ZNF385D: variants seen among roughly 807,000 people sequenced by gnomAD.
The protein encoded by ZNF385D is zinc finger protein 659.
A neutral mutation model predicts 35.8 loss-of-function variants in ZNF385D; 15 were observed. That is an observed-to-expected ratio of 0.42 (90% CI 0.28 to 0.64). The LOEUF is 0.64. Among genes scored for constraint, ZNF385D ranks in the 30% least tolerant of loss-of-function variants. The probability of loss-of-function intolerance (pLI) is 0.23; values close to 1 mark genes in which losing one functional copy is unlikely to be tolerated. For synonymous variants in ZNF385D, 212 were observed against 186.8 expected, an observed-to-expected ratio of 1.13 and a Z score of -1.10; for missense variants, 474 against 494.6, an observed-to-expected ratio of 0.96 and a Z score of 0.39.
intron 3 of ZNF385D, among the ~76,000 whole-genome samples, chr3:21,563,558 A>G (rs2063031484): frequency 6.6e-6 from 1 of 152,134 alleles, no homozygotes; most frequent in South Asian, 2.1e-4. Context: ...TATTTCCTAT[A>G]CTCAATTATC....
intron 3 of ZNF385D, among the ~76,000 whole-genome samples, chr3:21,890,902 T>C (rs2125881984): frequency 6.6e-6 from 1 of 152,320 alleles, no homozygotes; most frequent in African/African-American, 2.4e-5. Context: ...ATTTTTGTTT[T>C]TATAATTTTG....
intron 3 of ZNF385D, among the ~76,000 whole-genome samples, chr3:22,110,902 G>T (rs999455685): frequency 3.2e-4 from 49 of 152,040 alleles, no homozygotes; most frequent in Non-Finnish European, 5.6e-4. Context: ...TAATTTAGCT[G>T]AGAGTCTTGA....
intron 3 of ZNF385D, among the ~76,000 whole-genome samples, chr3:22,095,982 A>G (rs1469314478): frequency 6.6e-6 from 1 of 151,928 alleles, no homozygotes; most frequent in Non-Finnish European, 1.5e-5. Flanking sequence ...GTAAATGACT[A>G]AAGTCTTTGG....
chr3:22,329,069 T>A (rs1575130002), intron 2 of ZNF385D, among the ~76,000 whole-genome samples: 1 of 105,674 alleles, frequency 9.5e-6, no homozygotes. Flanking sequence ...AGAGCGAGAC[T>A]CCGTCTCAAA....
intron 3 of ZNF385D, among the ~76,000 whole-genome samples, chr3:22,057,283 C>G (rs1331098141): frequency 6.6e-6 from 1 of 152,146 alleles, no homozygotes; most frequent in Non-Finnish European, 1.5e-5. Flanking sequence ...ACCCATACCT[C>G]ATAGGTTATA....
chr3:22,301,592 G>C (rs1702904902), intron 2 of ZNF385D, among the ~76,000 whole-genome samples: 1 of 151,866 alleles, frequency 6.6e-6, no homozygotes, highest in Admixed American at 6.6e-5. Flanking sequence ...AATTATGTTA[G>C]GAGGTAAAAA....
At chr3:21,574,339 C>T (rs765473916) in intron 2 of ZNF385D, among the ~76,000 whole-genome samples, 2 of 152,052 alleles carry the variant, frequency 1.3e-5, no homozygotes, top group Non-Finnish European at 2.9e-5. Context: ...GAAAAAACTA[C>T]AAAATAAATG....
intron 3 of ZNF385D, among the ~76,000 whole-genome samples, chr3:21,967,175 A>G (rs1176573578): frequency 6.6e-6 from 1 of 152,144 alleles, no homozygotes; most frequent in Non-Finnish European, 1.5e-5. Context: ...CATTACTTTA[A>G]GCATTTCTTT....
At chr3:21,683,794 C>T (rs2066993177) in intron 1 of ZNF385D, among the ~76,000 whole-genome samples, 1 of 149,714 alleles carries the variant, frequency 6.7e-6, no homozygotes, top group South Asian at 2.2e-4. Context: ...AAGAGTAGCC[C>T]CAGGGTGACA....
intron 2 of ZNF385D, among the ~76,000 whole-genome samples, chr3:22,183,781 G>A (rs1414631611): frequency 6.6e-6 from 1 of 151,586 alleles, no homozygotes; most frequent in East Asian, 1.9e-4. Context: ...ATGGAACTTG[G>A]CAAAATGGAG....
chr3:21,499,830 A>G (rs1559351189), intron 4 of ZNF385D, among the ~76,000 whole-genome samples: 2 of 152,204 alleles, frequency 1.3e-5, no homozygotes, highest in East Asian at 3.9e-4. Context: ...TACCCCACAA[A>G]CTCAGTCATA....
At chr3:22,348,680 AAGGAAGGG>A (rs1695776063) in intron 2 of ZNF385D, among the ~76,000 whole-genome samples, 1 of 140,454 alleles carries the variant, frequency 7.1e-6, no homozygotes, top group South Asian at 2.7e-4. Context: ...GAAAGAAAGA[AAGGAAGGG>A]AGGGAGGGAG....
At chr3:21,891,921 T>G (rs1698888344) in intron 3 of ZNF385D, among the ~76,000 whole-genome samples, 2 of 152,172 alleles carry the variant, frequency 1.3e-5, no homozygotes, top group South Asian at 4.1e-4. Flanking sequence ...CTTAATAGCT[T>G]TTTCAAAGTG....
At chr3:21,593,060 G>A (rs1176426412) in intron 2 of ZNF385D, among the ~76,000 whole-genome samples, 4 of 152,068 alleles carry the variant, frequency 2.6e-5, no homozygotes, top group Admixed American at 1.3e-4. Context: ...ACAGCCACCC[G>A]GGAATAATAG....
chr3:22,301,883 T>C (rs1702920856), intron 2 of ZNF385D, among the ~76,000 whole-genome samples: 1 of 152,108 alleles, frequency 6.6e-6, no homozygotes, highest in Non-Finnish European at 1.5e-5. Flanking sequence ...TTCTCTGCTT[T>C]TTGTTATTCT....
At position 21,564,634 on chromosome 3, in the gene ZNF385D, A is replaced by T. The variant is rs762601327; in HGVS notation, c.216T>A (p.Leu72=). ...AVINHTFGVP[L]PHRRKQIISC... ...ATATGATTTGCTTTCTTCGGTGGGGAAGAGGAACCCCGAATGTATGGTTTA... is the reference window on the plus strand; with the variant it reads ...ATATGATTTGCTTTCTTCGGTGGGGTAGAGGAACCCCGAATGTATGGTTTA... Residue 72 remains leucine, a synonymous_variant, in exon 3 of 8, where the codon CTT becomes CTA. Coordinates refer to ENST00000281523, the MANE Select transcript of ZNF385D (RefSeq NM_024697.3). 20 of 1,588,226 alleles carry T rather than the reference A, an allele frequency of 1.3e-5. No homozygotes were observed. Among genetic ancestry groups the T allele is most frequent in the Admixed American group, 1.8e-5 (1 of 56,924 alleles).
chr3:22,298,533 C>A (rs969380300), intron 2 of ZNF385D, among the ~76,000 whole-genome samples: 158 of 137,824 alleles, frequency 1.1e-3, no homozygotes, highest in African/African-American at 4.0e-3. Flanking sequence ...AATATATATA[C>A]ATAAAACATT....
At chr3:22,321,133 C>T (rs1409471804) in intron 2 of ZNF385D, among the ~76,000 whole-genome samples, 1 of 146,522 alleles carries the variant, frequency 6.8e-6, no homozygotes, top group East Asian at 2.0e-4. Context: ...CTAAATTTCA[C>T]CTTACTGCTG....
intron 3 of ZNF385D, among the ~76,000 whole-genome samples, chr3:21,946,410 G>A (rs1250551660): frequency 6.6e-6 from 1 of 152,150 alleles, no homozygotes; most frequent in Non-Finnish European, 1.5e-5. Context: ...GCATTGCAAA[G>A]TTGAAAATTA....
Sources: allele counts gnomAD v4.1 joint callset (sites outside exome capture counted in the v4.1 genomes callset), GRCh38; gene constraint gnomAD v4.1.1; transcripts MANE v1.5; gene names NCBI Gene and HGNC (gene_info 2026-07-23, HGNC 2026-07-21).